The following LRRC28 variants were observed in gnomAD, a reference collection of about 807,000 sequenced individuals.
The protein encoded by LRRC28 is leucine rich repeat containing 28.
In LRRC28, 39 loss-of-function variants were observed where a neutral mutation model predicts 45.7. The ratio of observed to expected loss-of-function variants is 0.85; its 90% CI spans 0.66 to 1.12. LRRC28 has a LOEUF of 1.12. LRRC28 is among the 50% of genes most tolerant of loss of function. The probability of loss-of-function intolerance (pLI) is 0.00; values close to 1 mark genes in which losing one functional copy is unlikely to be tolerated. For missense variants in LRRC28, 435 were observed against 438.5 expected (o/e 0.99, Z 0.07); for synonymous variants, 206 against 178.8 (o/e 1.15, Z -1.22).
rs1033837624 is a variant in LRRC28 at position 99,259,148 on chromosome 15, T to C, written c.168+3023T>C. 13 of 1,312,318 alleles carry C rather than the reference T, an allele frequency of 9.9e-6. No homozygotes were observed. In the African/African-American group the frequency reaches 1.9e-4, roughly 19 times the overall value. The allele number at this position is 1,312,318 out of a possible 1,614,324, so 81.3% of individuals were successfully genotyped here. On this transcript the variant is annotated intron_variant, in intron 2 of 9. Transcript: ENST00000301981. ...AACATGTCTTGCTAAACTTCTTAGGTTCCAGTCTTCTCATCATCCAGCTGA... is the reference window on the plus strand; with the variant it reads ...AACATGTCTTGCTAAACTTCTTAGGCTCCAGTCTTCTCATCATCCAGCTGA...
chr15:99,382,370 T>A (rs750405629), intron 9 of LRRC28, among the ~76,000 whole-genome samples: 13 of 152,146 alleles, frequency 8.5e-5, no homozygotes, highest in Non-Finnish European at 1.6e-4. Context: ...GTTTGCTCAG[T>A]TGGAAATGCA....
At chr15:99,284,618 A>G (rs1210893981) in intron 3 of LRRC28, 2 of 508,780 alleles carry the variant, frequency 3.9e-6, no homozygotes, top group East Asian at 1.1e-4. Context: ...TCCTGGCAGT[A>G]ATTAAAATCT....
intron 8 of LRRC28, 104 bp downstream of exon 8, chr15:99,361,615 T>C (rs1041558048): frequency 1.8e-6 from 2 of 1,142,392 alleles, no homozygotes; most frequent in Admixed American, 2.7e-5. Context: ...ATTATTGTGG[T>C]AAAATACACA....
intron 9 of LRRC28, among the ~76,000 whole-genome samples, chr15:99,364,565 G>A (rs190773671): frequency 3.8e-4 from 58 of 152,266 alleles, no homozygotes; most frequent in African/African-American, 1.4e-3. Context: ...GGTTCTGACT[G>A]TATTACTACA....
At chr15:99,252,714 T>G (rs2080877492) in intron 1 of LRRC28, among the ~76,000 whole-genome samples, 2 of 152,216 alleles carry the variant, frequency 1.3e-5, no homozygotes, top group African/African-American at 4.8e-5. Flanking sequence ...GGATGAAAAA[T>G]CAACCTTGCA....
At chr15:99,271,286 T>C (rs75943639) in intron 2 of LRRC28, among the ~76,000 whole-genome samples, 4 of 52,062 alleles carry the variant, frequency 7.7e-5, no homozygotes, top group African/African-American at 1.6e-4. Flanking sequence ...AGTGTATCTA[T>C]TTTTTTTTTT....
rs529039867 is a variant in LRRC28, at chr15:99,264,982, A to G, written c.168+8857A>G. Among the ~76,000 whole-genome samples, 4 of 152,308 alleles carry G rather than the reference A, an allele frequency of 2.6e-5. No individual in the cohort carries two copies. The South Asian group carries it at 8.3e-4, about 32-fold the overall frequency. ...GAAAGACAGATGTGCACTGAGGGAGAGAGAGGCAGTTGAGAGAGTTTTTGT... is the reference window on the plus strand; with the variant it reads ...GAAAGACAGATGTGCACTGAGGGAGGGAGAGGCAGTTGAGAGAGTTTTTGT... On this transcript the variant is annotated intron_variant, in intron 2 of 9. Transcript: ENST00000301981.
At chr15:99,269,090 A>G (rs2081405861) in intron 2 of LRRC28, among the ~76,000 whole-genome samples, 1 of 151,926 alleles carries the variant, frequency 6.6e-6, no homozygotes, top group South Asian at 2.1e-4. Context: ...TTTTATTTTG[A>G]GCTCATTCTG....
chr15:99,292,687 G>A (rs1477872450), intron 5 of LRRC28, among the ~76,000 whole-genome samples: 4 of 152,154 alleles, frequency 2.6e-5, no homozygotes, highest in Non-Finnish European at 4.4e-5. Context: ...CTATACCTAC[G>A]AATCCTCTGG....
At position 99,388,472 on chromosome 15, in the gene LRRC28, C is replaced by A. The variant is rs1046451934; in HGVS notation, c.*2370C>A. The A allele has an allele frequency of 6.6e-6, 1 of 152,220 alleles. No individual in the cohort carries two copies. The highest frequency in any genetic ancestry group is 1.5e-5 in the Non-Finnish European group (1 of 68,048). 9.4% of individuals were successfully genotyped at this position (152,220 alleles called of 1,614,324 possible). ...GCAGACAACCTTTGGGCAGTCTCAA[C>A]CTTAATCCTTGGGTACAGCACCTGA... is the stretch of plus-strand genomic sequence containing the variant. On this transcript the variant is annotated 3_prime_UTR_variant, in exon 10 of 10. Transcript: ENST00000301981.
chr15:99,376,505 T>G (rs1040219337), intron 9 of LRRC28, among the ~76,000 whole-genome samples: 1 of 152,218 alleles, frequency 6.6e-6, no homozygotes, highest in Non-Finnish European at 1.5e-5. Context: ...CTATTACTTT[T>G]TGATGACTAG....
chr15:99,370,717 A>C (rs1307103047), intron 9 of LRRC28, among the ~76,000 whole-genome samples: 1 of 152,228 alleles, frequency 6.6e-6, no homozygotes, highest in East Asian at 1.9e-4. Context: ...AGCAAGTTAC[A>C]TAAAAGATTG....
intron 2 of LRRC28, among the ~76,000 whole-genome samples, chr15:99,273,527 G>A (rs1339104878): frequency 4.6e-5 from 7 of 151,190 alleles, no homozygotes; most frequent in South Asian, 2.1e-4. Flanking sequence ...GTGAGCCACC[G>A]TGCCCGGCCG....
chr15:99,260,140 A>G (rs958683858), intron 2 of LRRC28: 2 of 319,924 alleles, frequency 6.3e-6, no homozygotes, highest in Non-Finnish European at 1.2e-5. Context: ...GCACTGTAAA[A>G]TGTGGGATTA....
At chr15:99,300,758 G>A (rs1270809998) in intron 5 of LRRC28, among the ~76,000 whole-genome samples, 15 of 152,294 alleles carry the variant, frequency 9.8e-5, no homozygotes, top group Admixed American at 5.9e-4. Context: ...CCCAAGAGGC[G>A]GAGGCTGCAG....
chr15:99,258,642 A>G (rs772787210), intron 2 of LRRC28: 6 of 755,514 alleles, frequency 7.9e-6, no homozygotes, highest in African/African-American at 3.4e-5. Context: ...TATCAAACCA[A>G]TATGGCAGAG....
chr15:99,261,870 T>G (rs1488305037), intron 2 of LRRC28, among the ~76,000 whole-genome samples: 1 of 151,988 alleles, frequency 6.6e-6, no homozygotes, highest in African/African-American at 2.4e-5. Context: ...TTGGTCAGGC[T>G]AGTCTTGAAC....
intron 2 of LRRC28, among the ~76,000 whole-genome samples, chr15:99,270,558 T>C (rs1221082391): frequency 6.6e-6 from 1 of 152,200 alleles, no homozygotes; most frequent in Non-Finnish European, 1.5e-5. Context: ...TTCTTTCACT[T>C]AGCAAAATGT....
At chr15:99,325,702 G>A (rs1386238545) in intron 5 of LRRC28, among the ~76,000 whole-genome samples, 2 of 152,204 alleles carry the variant, frequency 1.3e-5, no homozygotes, top group African/African-American at 2.4e-5. Context: ...CCATGAACAT[G>A]TGTATTACAT....
Sources: allele counts gnomAD v4.1 joint callset (sites outside exome capture counted in the v4.1 genomes callset), GRCh38; gene constraint gnomAD v4.1.1; transcripts MANE v1.5; gene names NCBI Gene and HGNC (gene_info 2026-07-23, HGNC 2026-07-21).